The following S100PBP variants were observed in gnomAD, a reference collection of about 807,000 sequenced individuals.
S100PBP encodes the protein S100P-binding protein.
S100PBP carries 15 observed loss-of-function variants against 39.9 expected under a neutral mutation model. That is an observed-to-expected ratio of 0.38 (90% CI 0.25 to 0.58). The LOEUF (loss-of-function observed/expected upper bound fraction) is 0.58, where lower values mean the gene tolerates loss of function less well. S100PBP is among the 20% of genes least tolerant of loss of function. The pLI, the probability that S100PBP is intolerant of heterozygous loss-of-function variation, is 0.70. For missense variants in S100PBP, 504 were observed against 487.3 expected (o/e 1.03, Z -0.32); for synonymous variants, 178 against 180.3 (o/e 0.99, Z 0.10).
intron 5 of S100PBP, among the ~76,000 whole-genome samples, chr1:32,838,497 A>C (rs1233005978): frequency 1.3e-5 from 2 of 152,156 alleles, no homozygotes; most frequent in Non-Finnish European, 2.9e-5. Flanking sequence ...CCAACTTTTT[A>C]ATTATAAAAT....
At chr1:32,828,147 T>C (rs10753266) in intron 4 of S100PBP, 66 bp downstream of exon 4, 1,105,123 of 1,108,426 alleles carry the variant, frequency 1, 550,976 homozygotes, top group East Asian at 1. Context: ...TCTTCCCCTC[T>C]CCAGTTTCCT....
At chr1:32,848,324 A>G (rs2148687881) in intron 5 of S100PBP, among the ~76,000 whole-genome samples, 1 of 152,204 alleles carries the variant, frequency 6.6e-6, no homozygotes, top group Non-Finnish European at 1.5e-5. Flanking sequence ...AATAAAGAAA[A>G]AAGAAATGAG....
At chr1:32,841,827 TG>T (rs1368537110) in intron 5 of S100PBP, among the ~76,000 whole-genome samples, 2 of 151,948 alleles carry the variant, frequency 1.3e-5, no homozygotes, top group East Asian at 3.9e-4. Context: ...TTTTCTCCTA[TG>T]TTTTTTTCTA....
rs1333554291 is a variant in S100PBP, at chr1:32,838,313, G to A, written c.1024+8246G>A. Among the ~76,000 whole-genome samples, 10 of 129,080 alleles carry A rather than the reference G, an allele frequency of 7.7e-5. No homozygotes were observed. The South Asian group carries it at 2.2e-3, about 29-fold the overall frequency. The allele number at this position is 129,080 out of a possible 152,430, so 84.7% of individuals were successfully genotyped here. A position where few individuals can be genotyped will look rare whatever the true frequency, so the allele number is the denominator to read the frequency against. ...AGCGCCACTGCAGTCCGGCCTGGGC[G>A]AAAGAGCGAGACTCTGTCTCAAAAA... On this transcript the variant is annotated intron_variant, in intron 5 of 6. Coordinates refer to ENST00000373475, the MANE Select transcript of S100PBP (RefSeq NM_022753.4).
At position 32,836,480 on chromosome 1, in the gene S100PBP, G is replaced by T. The variant is rs907155285; in HGVS notation, c.1024+6413G>T. On this transcript the variant is annotated intron_variant, in intron 5 of 6. Transcript: ENST00000373475. ...TTTTTTATAGTAGCTATCCTAAAGG[G>T]TGTTAAATCAGTATTCATTGTTTTT... 1.2e-5 allele frequency: 11 copies of T among 890,142 alleles called. No homozygotes were observed. The African/African-American group carries it at 2.0e-4, about 16-fold the overall frequency. The allele number at this position is 890,142 out of a possible 1,614,324, so 55.1% of individuals were successfully genotyped here.
At chr1:32,841,152 T>G (rs1640074021) in intron 5 of S100PBP, among the ~76,000 whole-genome samples, 1 of 149,586 alleles carries the variant, frequency 6.7e-6, no homozygotes, top group African/African-American at 2.4e-5. Flanking sequence ...CAGAGCAAGA[T>G]TCCATCTCAA....
chr1:32,826,078 A>T lies in S100PBP; in HGVS notation c.-2-20A>T. On this transcript the variant is annotated intron_variant, in intron 2 of 6. Coordinates refer to ENST00000373475, the MANE Select transcript of S100PBP (RefSeq NM_022753.4). The stretch of plus-strand genomic sequence containing the variant: ...AGGTTATTTTCTCTTCCTCAGTGAA[A>T]TTGTCTCTTATTTCTCCAGAAATGA... The T allele has an allele frequency of 6.5e-7, 1 of 1,546,254 alleles. No homozygotes were observed. Among genetic ancestry groups the T allele is most frequent in the African/African-American group, 1.4e-5 (1 of 72,756 alleles).
chr1:32,816,820 C>G (rs901363286), upstream of S100PBP: 6 of 383,834 alleles, frequency 1.6e-5, no homozygotes, highest in African/African-American at 1.2e-4. Flanking sequence ...TTACTTGAAC[C>G]GTAATGGGTC....
chr1:32,819,774 C>T (rs1638958597), intron 1 of S100PBP, among the ~76,000 whole-genome samples: 4 of 152,046 alleles, frequency 2.6e-5, no homozygotes, highest in Admixed American at 2.0e-4. Flanking sequence ...CATTAAATAC[C>T]ATGTTTTTTT....
At chr1:32,851,463 C>T (rs1640603537) in intron 5 of S100PBP, among the ~76,000 whole-genome samples, 1 of 152,096 alleles carries the variant, frequency 6.6e-6, no homozygotes, top group African/African-American at 2.4e-5. Context: ...GTCAGGAGTT[C>T]AAGAACAGCC....
At position 32,853,207 on chromosome 1, in the gene S100PBP, G is replaced by C. The variant is rs762106373; in HGVS notation, c.1112+41G>C. The C allele has an allele frequency of 2.0e-6, 3 of 1,466,490 alleles. No individual in the cohort carries two copies. The Admixed American group carries it at 5.0e-5, about 25-fold the overall frequency. The allele number at this position is 1,466,490 out of a possible 1,614,324, so 90.8% of individuals were successfully genotyped here. On this transcript the variant is annotated intron_variant, in intron 6 of 6. Coordinates refer to ENST00000373475, the MANE Select transcript of S100PBP (RefSeq NM_022753.4). ...GAAGAAGATGGAAAAGGGTAGAATGGCTGGGCGCGGTGGCTCACACCTGTA... is the reference window on the plus strand; with the variant it reads ...GAAGAAGATGGAAAAGGGTAGAATGCCTGGGCGCGGTGGCTCACACCTGTA...
chr1:32,821,744 C>T (rs1639077196), intron 1 of S100PBP, among the ~76,000 whole-genome samples: 1 of 151,842 alleles, frequency 6.6e-6, no homozygotes, highest in Non-Finnish European at 1.5e-5. Flanking sequence ...CAGCGAGTCT[C>T]CTGCCTCAGA....
Position 32,853,099 on chromosome 1 carries a change from G to T in S100PBP, c.1045G>T (p.Ala349Ser), listed in dbSNP as rs937590826. 6.2e-7 allele frequency: 1 copy of T among 1,612,708 alleles called. No individual in the cohort carries two copies. The highest frequency in any genetic ancestry group is 1.7e-4 in the Middle Eastern group (1 of 6,028). ...CACAGGTATCTCGGGGGAGCTTTGT[G>T]CCTTGATGGATCAAGTTCATCATAT... ...TNQGISGELC[A>S]LMDQVHHMQH... Residue 349 changes from alanine (A) to serine (S), a missense_variant, in exon 6 of 7, where the codon GCC (alanine) becomes TCC (serine). Ala to Ser is a moderately conservative substitution (Grantham distance 99). Coordinates refer to ENST00000373475, the MANE Select transcript of S100PBP (RefSeq NM_022753.4).
chr1:32,854,744 A>AT (rs1169700655), intron 6 of S100PBP, among the ~76,000 whole-genome samples: 1 of 152,128 alleles, frequency 6.6e-6, no homozygotes, highest in African/African-American at 2.4e-5. Context: ...AAAGGCCTAT[A>AT]TGCTTTGGCC....
upstream of S100PBP, chr1:32,817,115 G>GT: frequency 6.3e-7 from 1 of 1,585,562 alleles, no homozygotes; most frequent in Non-Finnish European, 8.7e-7. Context: ...TTAGAACCCC[G>GT]TAATGGGGCT....
At chr1:32,841,621 C>T (rs972431294) in intron 5 of S100PBP, among the ~76,000 whole-genome samples, 1 of 150,310 alleles carries the variant, frequency 6.7e-6, no homozygotes, top group Non-Finnish European at 1.5e-5. Flanking sequence ...CCTAGCTACT[C>T]GGGAGGCTGA....
At chr1:32,817,432 C>A (rs184477254), upstream of S100PBP, 468 of 683,688 alleles carry the variant, frequency 6.8e-4, 4 homozygotes, top group African/African-American at 6.4e-3. Flanking sequence ...AGCAGAGAGT[C>A]GAGCAGGTCG....
At chr1:32,831,867 C>T (rs187262133) in intron 5 of S100PBP, among the ~76,000 whole-genome samples, 35 of 152,236 alleles carry the variant, frequency 2.3e-4, no homozygotes, top group African/African-American at 7.9e-4. Context: ...TATGTTTTCT[C>T]TCATTTGGAG....
chr1:32,856,135 G>T lies in S100PBP; in HGVS notation c.*97G>T. On this transcript the variant is annotated 3_prime_UTR_variant, in exon 7 of 7. Transcript: ENST00000373475. Reference sequence around the variant, plus strand: ...GCTGTTTTGTGCTTTGCCGATTTTGGATTTTATTTTTCACAAAATTTTTAT... The same window carrying T: ...GCTGTTTTGTGCTTTGCCGATTTTGTATTTTATTTTTCACAAAATTTTTAT... 1.3e-6 allele frequency: 1 copy of T among 762,416 alleles called. No individual in the cohort carries two copies. 47.2% of individuals were successfully genotyped at this position (762,416 alleles called of 1,614,324 possible).
Sources: gnomAD v4.1 joint callset for allele counts (sites outside exome capture counted in the v4.1 genomes callset) on GRCh38, gnomAD v4.1.1 for gene constraint, MANE v1.5 for transcripts, NCBI Gene and HGNC (gene_info 2026-07-23, HGNC 2026-07-21) for gene names.